CHRNG: variants seen among roughly 807,000 people sequenced by gnomAD.
CHRNG encodes the protein cholinergic receptor nicotinic gamma subunit, also known as acetylcholine receptor subunit gamma.
In CHRNG, 72 loss-of-function variants were observed where a neutral mutation model predicts 65.2. That is an observed-to-expected ratio of 1.10 (90% CI 0.91 to 1.34). The LOEUF is 1.34. Among genes scored for constraint, CHRNG ranks in the 40% most tolerant of loss-of-function variants. CHRNG has a pLI of 0.00. For synonymous variants in CHRNG, 284 were observed against 290.2 expected, an observed-to-expected ratio of 0.98 and a Z score of 0.22; for missense variants, 637 against 680.1, an observed-to-expected ratio of 0.94 and a Z score of 0.70.
chr2:232,540,664 G>A lies in CHRNG; in HGVS notation c.303G>A (p.Arg101=). 6.2e-7 allele frequency: 1 copy of A among 1,613,232 alleles called. No individual in the cohort carries two copies. The highest frequency in any genetic ancestry group is 8.5e-7 in the Non-Finnish European group (1 of 1,179,986). Residue 101 remains arginine (R), a synonymous_variant, in exon 4 of 12, where the codon AGG becomes AGA. Transcript: ENST00000651502. This position sits in a 1 kb window ranked among gnomAD's most constrained non-coding sequence, Gnocchi z 4.2. ...PRDYEGLWVL[R]VPSTMVWRPD... ...ACTACGAAGGCCTGTGGGTGCTGAGGGTGCCGTCCACCATGGTGTGGCGGC... is the reference window on the plus strand; with the variant it reads ...ACTACGAAGGCCTGTGGGTGCTGAGAGTGCCGTCCACCATGGTGTGGCGGC...
In CHRNG at chr2:232,545,854, G is replaced by C. The variant is rs1692123316; in HGVS notation, c.*138G>C. Reference sequence around the variant, plus strand: ...AGGACTGTGTGAGCCAAACAGCCCTGAGAAAAGCTGGGGAAACAGTCTGAG... The same window carrying C: ...AGGACTGTGTGAGCCAAACAGCCCTCAGAAAAGCTGGGGAAACAGTCTGAG... On this transcript the variant is annotated 3_prime_UTR_variant, in exon 12 of 12. Coordinates refer to ENST00000651502, the MANE Select transcript of CHRNG (RefSeq NM_005199.5). 2 of 998,580 alleles carry C rather than the reference G, an allele frequency of 2.0e-6. No individual in the cohort carries two copies. Among genetic ancestry groups the C allele is most frequent in the African/African-American group, 3.2e-5 (2 of 63,088 alleles). The allele number at this position is 998,580 out of a possible 1,614,324, so 61.9% of individuals were successfully genotyped here. A position where few individuals can be genotyped will look rare whatever the true frequency, so the allele number is the denominator to read the frequency against.
chr2:232,542,847 CTT>C, intron 6 of CHRNG, 33 bp from the exon 7 acceptor site: 1 of 1,589,630 alleles, frequency 6.3e-7, no homozygotes, highest in Non-Finnish European at 8.6e-7. Flanking sequence ...GCTCACGCTT[CTT>C]GTGCCCACTC....
At position 232,542,886 on chromosome 2, in the gene CHRNG, T is replaced by C; in HGVS notation, c.609T>C (p.Asn203=). Residue 203 remains asparagine (N), a synonymous_variant, in exon 7 of 12, where the codon AAT becomes AAC. Transcript: ENST00000651502. ...IFIDPEAFTE[N]GEWAIQHRPA... is the part of the protein sequence containing the mutation. ...TGCCTGCCTGCCTGCCCGCAGAGAA[T>C]GGGGAGTGGGCCATCCAGCACCGAC... 1 of 1,612,420 alleles carries C rather than the reference T, an allele frequency of 6.2e-7. No homozygotes were observed. Among genetic ancestry groups the C allele is most frequent in the Non-Finnish European group, 8.5e-7 (1 of 1,179,870 alleles).
At chr2:232,542,824 AG>A in intron 6 of CHRNG, 57 bp from the exon 7 acceptor site, 1 of 1,491,132 alleles carries the variant, frequency 6.7e-7, no homozygotes, top group Non-Finnish European at 9.2e-7. Flanking sequence ...ACTCGGCTGC[AG>A]GGATCTGCCT....
chr2:232,541,711 C>T lies in CHRNG; in HGVS notation c.506+182C>T. Reference sequence around the variant, plus strand: ...GACACCTGAAGGTGCCCAAGCTCTCCCTGCTAAGCCCGAGTCCCCTCACTC... The same window carrying T: ...GACACCTGAAGGTGCCCAAGCTCTCTCTGCTAAGCCCGAGTCCCCTCACTC... On this transcript the variant is annotated intron_variant, in intron 5 of 11. Transcript: ENST00000651502. This position sits in a 1 kb window ranked among gnomAD's most constrained non-coding sequence, Gnocchi z 4.0. 1 of 684,022 alleles carries T rather than the reference C, an allele frequency of 1.5e-6. No individual in the cohort carries two copies. The allele number at this position is 684,022 out of a possible 1,614,324, so 42.4% of individuals were successfully genotyped here. A position where few individuals can be genotyped will look rare whatever the true frequency, so the allele number is the denominator to read the frequency against.
chr2:232,545,238 C>T (rs560299948), intron 11 of CHRNG, among the ~76,000 whole-genome samples: 14 of 150,556 alleles, frequency 9.3e-5, no homozygotes, highest in East Asian at 3.9e-4. Context: ...ACCTGGGAGG[C>T]GGAGGTTGCA....
chr2:232,543,480 ACCCC>A lies in CHRNG; in HGVS notation c.920+96_921-97del, dbSNP rs34697564. ...TGCATTGCCCTCTTGCCCTCCATCCACCCCCCCCATCCTCAATTCAGGAGGCCTG... is the reference window on the plus strand; with the variant it reads ...TGCATTGCCCTCTTGCCCTCCATCCACCCCATCCTCAATTCAGGAGGCCTG... On this transcript the variant is annotated intron_variant, in intron 8 of 11. Transcript: ENST00000651502. 36 of 1,111,086 alleles carry A rather than the reference ACCCC, an allele frequency of 3.2e-5. No individual in the cohort carries two copies. The African/African-American group carries it at 5.7e-4, about 18-fold the overall frequency. The allele number at this position is 1,111,086 out of a possible 1,614,324, so 68.8% of individuals were successfully genotyped here.
At position 232,541,362 on chromosome 2, in the gene CHRNG, C is replaced by A. The variant is rs763375519; in HGVS notation, c.351-12C>A. 2.5e-6 allele frequency: 4 copies of A among 1,613,990 alleles called. No individual in the cohort carries two copies. In the South Asian group the frequency reaches 4.4e-5, roughly 18 times the overall value. ...CCACAGCCTCGTGGCCTGGCCTGTTCTGTGCATACAGCGTGGACGGTGTCT... is the reference window on the plus strand; with the variant it reads ...CCACAGCCTCGTGGCCTGGCCTGTTATGTGCATACAGCGTGGACGGTGTCT... On this transcript the variant is annotated splice_polypyrimidine_tract_variant and intron_variant, in intron 4 of 11. Transcript: ENST00000651502. The surrounding 1 kb of genome is among the most constrained non-coding windows in gnomAD (Gnocchi z 4.0).
rs146859528 is a variant in CHRNG, at chr2:232,541,117, T to G, written c.351-257T>G. On this transcript the variant is annotated intron_variant, in intron 4 of 11. Coordinates refer to ENST00000651502, the MANE Select transcript of CHRNG (RefSeq NM_005199.5). This position sits in a 1 kb window ranked among gnomAD's most constrained non-coding sequence, Gnocchi z 4.0. ...TGACTATTATTATTATTATTATTAT[T>G]ATGATTAAAACAAGAGAGAGTAAGA... Among the ~76,000 whole-genome samples, 1,295 of 144,194 alleles carry G rather than the reference T, an allele frequency of 9.0e-3. 9 individuals are homozygous for G. Among genetic ancestry groups the G allele is most frequent in the Non-Finnish European group, 0.014 (917 of 65,576 alleles). The allele number at this position is 144,194 out of a possible 152,430, so 94.6% of individuals were successfully genotyped here.
intron 6 of CHRNG, 107 bp from the exon 7 acceptor site, chr2:232,542,775 G>A: frequency 1.0e-6 from 1 of 991,398 alleles, no homozygotes; most frequent in Non-Finnish European, 1.5e-6. Context: ...CTCCCCTGCT[G>A]GTGCTCCTTA....
Position 232,540,083 on chromosome 2 carries a change from T to A in CHRNG, c.147T>A (p.Asp49Glu), listed in dbSNP as rs1574642993. The change falls in exon 2 of 12, where the codon GAT (aspartate) becomes GAA (glutamate). Residue 49 changes from aspartate to glutamate, a missense_variant. Transcript: ENST00000651502. The surrounding 1 kb of genome is among the most constrained non-coding windows in gnomAD (Gnocchi z 4.2). The part of the protein sequence containing the change: ...PNLRPAERDS[D>E]VVNVSLKLTL... ...TGCGGCCCGCGGAACGAGACTCGGA[T>A]GTGGTCAATGTCAGCCTGAAGCTAA... 6.2e-7 allele frequency: 1 copy of A among 1,614,142 alleles called. No homozygotes were observed. The highest frequency in any genetic ancestry group is 2.2e-5 in the East Asian group (1 of 44,878).
In CHRNG at chr2:232,544,908, C is replaced by T; in HGVS notation, c.1380+6C>T. 1.2e-6 allele frequency: 2 copies of T among 1,613,846 alleles called. No homozygotes were observed. Among genetic ancestry groups the T allele is most frequent in the Non-Finnish European group, 1.7e-6 (2 of 1,179,978 alleles). On this transcript the variant is annotated splice_donor_region_variant and intron_variant, in intron 11 of 11. Transcript: ENST00000651502. ...AGCAGAGTCACTTTGACAATGTAAG[C>T]TGAGTCAGGGTGGGGTGGAGGTGGA... is the stretch of plus-strand genomic sequence containing the variant.
chr2:232,544,661 G>C, intron 10 of CHRNG, 81 bp downstream of exon 10: 1 of 1,566,342 alleles, frequency 6.4e-7, no homozygotes, highest in South Asian at 1.1e-5. Flanking sequence ...ATGAGTGCTG[G>C]AGAAGTGCCC....
intron 6 of CHRNG, 24 bp from the exon 7 acceptor site, chr2:232,542,858 T>TCCTGCCTG (rs752319888): frequency 2.3e-5 from 37 of 1,601,778 alleles, no homozygotes; most frequent in Non-Finnish European, 3.1e-5. Context: ...TTGTGCCCAC[T>TCCTGCCTG]CCTGCCTGCC....
chr2:232,540,180 G>A lies in CHRNG; in HGVS notation c.195+49G>A, dbSNP rs537096842. On this transcript the variant is annotated intron_variant, in intron 2 of 11. Transcript: ENST00000651502. The surrounding 1 kb of genome is among the most constrained non-coding windows in gnomAD (Gnocchi z 4.2). ...GTCAGCGCACCACGCCCTGGGACCT[G>A]CTGGGGATAGCATGGGGTGGCTCCA... is the stretch of plus-strand genomic sequence containing the variant. 6 of 1,613,942 alleles carry A rather than the reference G, an allele frequency of 3.7e-6. No individual in the cohort carries two copies. The highest frequency in any genetic ancestry group is 5.1e-6 in the Non-Finnish European group (6 of 1,179,902).
Position 232,545,691 on chromosome 2 carries a change from G to A in CHRNG, c.1529G>A (p.Arg510His), listed in dbSNP as rs767708955. The part of the protein sequence containing the change: ...VPALPFPGDP[R>H]PYLPSPD The stretch of plus-strand genomic sequence containing the variant: ...GCCCTGCCATTCCCTGGAGATCCAC[G>A]CCCCTACCTGCCCTCACCAGACTGA... Residue 510 changes from arginine (R) to histidine (H), a missense_variant, in exon 12 of 12, where the codon CGC becomes CAC. Transcript: ENST00000651502. 8.1e-6 allele frequency: 13 copies of A among 1,614,038 alleles called. No homozygotes were observed. Among genetic ancestry groups the A allele is most frequent in the South Asian group, 2.2e-5 (2 of 91,078 alleles).
In CHRNG at chr2:232,544,560, C is replaced by T. The variant is rs760940301; in HGVS notation, c.1229C>T (p.Ala410Val). 39 of 1,613,162 alleles carry T rather than the reference C, an allele frequency of 2.4e-5. No individual in the cohort carries two copies. Among genetic ancestry groups the T allele is most frequent in the South Asian group, 2.1e-4 (19 of 91,076 alleles). ...CAGTGGCAGCGGCAAGGGCTGGTGG[C>T]GGCAGCGCTGGAGAAGCTAGGTGAG... ...FQQWQRQGLV[A>V]AALEKLEKGP... The change falls in exon 10 of 12, where the codon GCG (alanine) becomes GTG (valine). Residue 410 changes from alanine to valine, a missense_variant. Physicochemically the swap from Ala to Val is moderately conservative, Grantham distance 64. Transcript: ENST00000651502.
In CHRNG at chr2:232,544,482, C is replaced by T. The variant is rs1480246494; in HGVS notation, c.1151C>T (p.Thr384Ile). ...AATGGCTCCTCGGGATGGTCGATCA[C>T]AACTGGGGAGGAGGTGGCCCTCTGC... ...LQNGSSGWSI[T>I]TGEEVALCLP... The change falls in exon 10 of 12, where the codon ACA becomes ATA. Residue 384 changes from threonine (T) to isoleucine (I), a missense_variant. Thr to Ile is a moderately conservative substitution (Grantham distance 89). Coordinates refer to ENST00000651502, the MANE Select transcript of CHRNG (RefSeq NM_005199.5). 1 of 1,613,788 alleles carries T rather than the reference C, an allele frequency of 6.2e-7. No homozygotes were observed. The highest frequency in any genetic ancestry group is 1.7e-5 in the Admixed American group (1 of 60,032).
At chr2:232,543,131 T>A in intron 7 of CHRNG, 49 bp downstream of exon 7, 3 of 1,589,846 alleles carry the variant, frequency 1.9e-6, no homozygotes, top group Non-Finnish European at 2.6e-6. Flanking sequence ...AGGGGACACC[T>A]GGGAGGCCGG....
Sources: gnomAD v4.1 joint callset for allele counts (sites outside exome capture counted in the v4.1 genomes callset) on GRCh38, gnomAD v4.1.1 for gene constraint, Gnocchi (gnomAD v3.1) non-coding constraint, MANE v1.5 for transcripts, NCBI Gene and HGNC (gene_info 2026-07-23, HGNC 2026-07-21) for gene names.